Variants in PCDH15 observed in about 807,000 individuals in gnomAD.
The protein encoded by PCDH15 is protocadherin-15.
PCDH15 carries 129 observed loss-of-function variants against 178.5 expected under a neutral mutation model. The ratio of observed to expected loss-of-function variants is 0.72; its 90% CI spans 0.63 to 0.84. The LOEUF is 0.84. PCDH15 is among the 40% of genes least tolerant of loss of function. PCDH15 has a pLI of 0.00. For synonymous variants in PCDH15, 800 were observed against 732.0 expected, an observed-to-expected ratio of 1.09 and a Z score of -1.50; for missense variants, 2,230 against 2,099.9, an observed-to-expected ratio of 1.06 and a Z score of -1.21.
intron 3 of PCDH15, among the ~76,000 whole-genome samples, chr10:54,454,137 AAC>A (rs1589492171): frequency 6.7e-6 from 1 of 149,626 alleles, no homozygotes; most frequent in African/African-American, 2.4e-5. Context: ...TAATTTTGTA[AAC>A]ACAAAATAGA....
chr10:55,535,027 T>A (rs117237851), intron 2 of PCDH15, among the ~76,000 whole-genome samples: 3,316 of 151,888 alleles, frequency 0.022, 55 homozygotes, highest in Non-Finnish European at 0.031. Flanking sequence ...GACATAAACA[T>A]GGGAAAAACA....
intron 2 of PCDH15, among the ~76,000 whole-genome samples, chr10:55,333,740 G>C (rs1471474037): frequency 6.6e-6 from 1 of 151,684 alleles, no homozygotes; most frequent in South Asian, 2.1e-4. Flanking sequence ...AGGAACGTTG[G>C]AATTTCTTAT....
At chr10:55,124,217 G>T (rs1315644626) in intron 2 of PCDH15, among the ~76,000 whole-genome samples, 1 of 151,988 alleles carries the variant, frequency 6.6e-6, no homozygotes, top group Non-Finnish European at 1.5e-5. Flanking sequence ...TTTATATTCT[G>T]TCATTTTCTT....
At chr10:54,918,673 T>G (rs1301645552) in intron 2 of PCDH15, among the ~76,000 whole-genome samples, 1 of 152,108 alleles carries the variant, frequency 6.6e-6, no homozygotes, top group Non-Finnish European at 1.5e-5. Context: ...CTACACTGTT[T>G]CCTTATATCC....
chr10:54,788,620 T>C (rs1037738356), intron 1 of PCDH15, among the ~76,000 whole-genome samples: 1 of 151,888 alleles, frequency 6.6e-6, no homozygotes, highest in Non-Finnish European at 1.5e-5. Context: ...CTGTCTTCAG[T>C]AATAAGATTT....
rs1253735647 is a variant in PCDH15, at chr10:55,539,110, T to TC, written c.-156+88514dup. On this transcript the variant is annotated intron_variant, in intron 2 of 5. Transcript: ENST00000613346. ...TCCCTTCCTTGCTTCCTTCCTTCCT[T>TC]CTTCTAATGTGTGTACTATTATTTC... Among the ~76,000 whole-genome samples, 37 of 150,954 alleles carry TC rather than the reference T, an allele frequency of 2.5e-4. 1 individual carries two copies. Among genetic ancestry groups the TC allele is most frequent in the Admixed American group, 2.1e-3 (31 of 15,082 alleles).
intron 1 of PCDH15, among the ~76,000 whole-genome samples, chr10:54,742,201 T>C (rs373467988): frequency 2.0e-5 from 3 of 152,200 alleles, no homozygotes; most frequent in Admixed American, 2.0e-4. Flanking sequence ...TTGTCCTTAT[T>C]ATTGTATTTA....
At chr10:55,374,978 G>T (rs1422183956) in intron 2 of PCDH15, among the ~76,000 whole-genome samples, 1 of 133,752 alleles carries the variant, frequency 7.5e-6, no homozygotes, top group Non-Finnish European at 1.6e-5. Context: ...AAATTTTTAT[G>T]AGATCTACAC....
At chr10:54,499,210 T>C (rs1296647661) in intron 3 of PCDH15, among the ~76,000 whole-genome samples, 1 of 152,050 alleles carries the variant, frequency 6.6e-6, no homozygotes, top group Non-Finnish European at 1.5e-5. Flanking sequence ...TAGATAAACA[T>C]ACAATGATAA....
chr10:53,841,717 G>A (rs2077657632), intron 28 of PCDH15, among the ~76,000 whole-genome samples: 1 of 152,090 alleles, frequency 6.6e-6, no homozygotes, highest in Non-Finnish European at 1.5e-5. Flanking sequence ...ACGCCCACTG[G>A]TCTCTCGGCT....
At chr10:54,209,097 C>T (rs779301515) in intron 10 of PCDH15, among the ~76,000 whole-genome samples, 3 of 151,844 alleles carry the variant, frequency 2.0e-5, no homozygotes, top group East Asian at 1.9e-4. Context: ...TTCATTTTCA[C>T]GGTAGGTTCC....
intron 2 of PCDH15, among the ~76,000 whole-genome samples, chr10:55,006,658 C>T (rs990004981): frequency 1.2e-4 from 19 of 152,148 alleles, no homozygotes; most frequent in African/African-American, 4.3e-4. Flanking sequence ...GCCTGAGGGG[C>T]TGAACCCTGC....
At chr10:54,853,314 T>TACTCATATACAC (rs1333572193) in intron 3 of PCDH15, among the ~76,000 whole-genome samples, 1 of 129,110 alleles carries the variant, frequency 7.7e-6, no homozygotes, top group Non-Finnish European at 1.6e-5. Flanking sequence ...TATATATATA[T>TACTCATATACAC]ATATACATAC....
At chr10:54,999,061 G>GT (rs149160131) in intron 2 of PCDH15, among the ~76,000 whole-genome samples, 18,548 of 151,644 alleles carry the variant, frequency 0.12, 1,281 homozygotes, top group Middle Eastern at 0.2. Flanking sequence ...CTTTCTTGTT[G>GT]TTTTTTTGTT....
intron 2 of PCDH15, among the ~76,000 whole-genome samples, chr10:55,139,346 G>T (rs1591933987): frequency 6.6e-6 from 1 of 151,082 alleles, no homozygotes; most frequent in African/African-American, 2.4e-5. Flanking sequence ...GCAAATCAAA[G>T]AACTCTTTGC....
At chr10:54,745,139 T>G (rs1945287217) in intron 1 of PCDH15, among the ~76,000 whole-genome samples, 1 of 152,168 alleles carries the variant, frequency 6.6e-6, no homozygotes, top group South Asian at 2.1e-4. Context: ...CAATTATAGC[T>G]CAATGATTTA....
chr10:54,712,888 C>T (rs2095440591), intron 1 of PCDH15, among the ~76,000 whole-genome samples: 1 of 152,000 alleles, frequency 6.6e-6, no homozygotes, highest in African/African-American at 2.4e-5. Flanking sequence ...AAACTTTGAA[C>T]TTCACTATGC....
intron 2 of PCDH15, among the ~76,000 whole-genome samples, chr10:54,969,148 T>C (rs1838868816): frequency 6.6e-6 from 1 of 152,172 alleles, no homozygotes. Flanking sequence ...AATGTTTCAT[T>C]GGAATATTAG....
intron 1 of PCDH15, among the ~76,000 whole-genome samples, chr10:54,768,733 C>G (rs372730622): frequency 9.9e-5 from 15 of 152,222 alleles, no homozygotes; most frequent in East Asian, 9.7e-4. Flanking sequence ...GCTTTATTAT[C>G]ACATATAGCA....
Sources: gnomAD v4.1 joint callset for allele counts (sites outside exome capture counted in the v4.1 genomes callset) on GRCh38, gnomAD v4.1.1 for gene constraint, MANE v1.5 for transcripts, NCBI Gene and HGNC (gene_info 2026-07-23, HGNC 2026-07-21) for gene names.